GMDS: variants seen among roughly 807,000 people sequenced by gnomAD.
The protein encoded by GMDS is GDP-mannose 4,6-dehydratase.
A neutral mutation model predicts 49.9 loss-of-function variants in GMDS; 20 were observed. The observed-to-expected ratio is 0.40, with a 90% confidence interval of 0.28 to 0.58. The LOEUF (loss-of-function observed/expected upper bound fraction) is 0.58. GMDS is among the 20% of genes least tolerant of loss of function. The probability of loss-of-function intolerance (pLI) is 0.42; values close to 1 mark genes in which losing one functional copy is unlikely to be tolerated. For missense variants in GMDS, 362 were observed against 481.4 expected, an observed-to-expected ratio of 0.75 and a Z score of 2.32; for synonymous variants, 177 against 178.6, an observed-to-expected ratio of 0.99 and a Z score of 0.07.
intron 8 of GMDS, 106 bp downstream of exon 8, chr6:1,742,362 T>C: frequency 2.9e-6 from 2 of 695,708 alleles, no homozygotes; most frequent in Non-Finnish European, 5.2e-6. Context: ...TGTATTGCTC[T>C]TCAGGAGAGT....
Position 1,696,469 on chromosome 6 carries a change from A to T in GMDS, c.987+29947T>A, listed in dbSNP as rs146868514. ...TGCTTTGTTTCTCCTCCACTTAAGT[A>T]AATATTCCTCGAGTTGATGTGCCAA... is the stretch of plus-strand genomic sequence containing the variant. On this transcript the variant is annotated intron_variant, in intron 9 of 10. Coordinates refer to ENST00000380815, the MANE Select transcript of GMDS (RefSeq NM_001500.4). Among the ~76,000 whole-genome samples, 951 of 152,342 alleles carry T rather than the reference A, an allele frequency of 6.2e-3. 10 individuals carry two copies. Among genetic ancestry groups the T allele is most frequent in the African/African-American group, 0.022 (899 of 41,578 alleles).
rs550911608 is a variant in GMDS at position 2,133,811 on chromosome 6, A to G, written c.103-9080T>C. On this transcript the variant is annotated intron_variant, in intron 1 of 10. Transcript: ENST00000380815. ...ATCATTAAACTAATAAAGCTAACTC[A>G]TATTCAGTGCCCAAGGATATATCAA... Among the ~76,000 whole-genome samples, 31 of 152,340 alleles carry G rather than the reference A, an allele frequency of 2.0e-4. No individual in the cohort carries two copies. The South Asian group carries it at 3.7e-3, about 18-fold the overall frequency.
intron 4 of GMDS, among the ~76,000 whole-genome samples, chr6:2,038,959 G>A (rs1007196817): frequency 6.6e-6 from 1 of 152,190 alleles, no homozygotes; most frequent in African/African-American, 2.4e-5. Context: ...TCACATAACA[G>A]CGGGGATACA....
intron 7 of GMDS, among the ~76,000 whole-genome samples, chr6:1,816,341 G>C (rs1203795270): frequency 6.6e-6 from 1 of 152,170 alleles, no homozygotes. Context: ...TAAGGAAATG[G>C]ATTCAGAGAG....
rs1304745697 is a variant in GMDS at position 1,833,241 on chromosome 6, G to A, written c.772-90655C>T. ...TTGGCCAAATGTCGTCTCCCGCTGG[G>A]CTTCAATGCCAAAACTACACGTGTC... is the stretch of plus-strand genomic sequence containing the variant. On this transcript the variant is annotated intron_variant, in intron 7 of 10. Coordinates refer to ENST00000380815, the MANE Select transcript of GMDS (RefSeq NM_001500.4). This position sits in a 1 kb window ranked among gnomAD's most constrained non-coding sequence, Gnocchi z 4.4. 6.6e-6 allele frequency among the ~76,000 whole-genome samples: 1 copy of A among 151,510 alleles called. No homozygotes were observed. Among genetic ancestry groups the A allele is most frequent in the Non-Finnish European group, 1.5e-5 (1 of 67,972 alleles).
intron 8 of GMDS, among the ~76,000 whole-genome samples, chr6:1,733,303 G>A (rs1356590296): frequency 1.3e-5 from 2 of 152,246 alleles, no homozygotes; most frequent in Non-Finnish European, 1.5e-5. Context: ...TGTGATGATG[G>A]GCAGATGTCA....
Position 1,728,081 on chromosome 6 carries a change from G to A in GMDS, c.891-1569C>T, listed in dbSNP as rs185817051. Among the ~76,000 whole-genome samples the A allele has an allele frequency of 1.3e-3, 203 of 152,258 alleles. 1 individual carries two copies. The highest frequency in any genetic ancestry group is 4.5e-3 in the African/African-American group (189 of 41,544). The stretch of plus-strand genomic sequence containing the variant: ...GTTTTTGGAAAATTCACCGGGAAAC[G>A]GTAAGTGGATGTTTTGGAGCATGGA... On this transcript the variant is annotated intron_variant, in intron 8 of 10. Coordinates refer to ENST00000380815, the MANE Select transcript of GMDS (RefSeq NM_001500.4).
intron 9 of GMDS, among the ~76,000 whole-genome samples, chr6:1,637,355 G>A (rs145928657): frequency 1.1e-4 from 17 of 152,344 alleles, no homozygotes; most frequent in African/African-American, 4.1e-4. Flanking sequence ...GAGGAGGCAG[G>A]TGGCCTGGAG....
At position 2,077,215 on chromosome 6, in the gene GMDS, G is replaced by A. The variant is rs112910385; in HGVS notation, c.345+38556C>T. 1.4e-4 allele frequency among the ~76,000 whole-genome samples: 22 copies of A among 152,074 alleles called. 1 individual carries two copies. Among genetic ancestry groups the A allele is most frequent in the African/African-American group, 4.8e-4 (20 of 41,526 alleles). ...TGGTAGTCTTGTTTTTTTCTAATAA[G>A]ATCACGTCATCTCAAAGGTAAACAG... On this transcript the variant is annotated intron_variant, in intron 4 of 10. Coordinates refer to ENST00000380815, the MANE Select transcript of GMDS (RefSeq NM_001500.4).
intron 4 of GMDS, among the ~76,000 whole-genome samples, chr6:2,007,088 C>G (rs774866715): frequency 3.7e-4 from 57 of 152,156 alleles, no homozygotes; most frequent in Non-Finnish European, 6.3e-4. Context: ...CTAGAAAACA[C>G]AGTTTTGAAC....
At chr6:1,840,631 C>T (rs553901758) in intron 7 of GMDS, among the ~76,000 whole-genome samples, 1 of 152,272 alleles carries the variant, frequency 6.6e-6, no homozygotes, top group South Asian at 2.1e-4. Context: ...GCCAGATGCT[C>T]GTTTTTGGCT....
chr6:2,143,522 T>C (rs1776409327), intron 1 of GMDS, among the ~76,000 whole-genome samples: 1 of 152,206 alleles, frequency 6.6e-6, no homozygotes, highest in Non-Finnish European at 1.5e-5. Flanking sequence ...TGATTTCCAT[T>C]GCCTATTCTA....
chr6:1,963,648 T>C (rs980239845), intron 4 of GMDS, among the ~76,000 whole-genome samples: 1 of 152,172 alleles, frequency 6.6e-6, no homozygotes, highest in Non-Finnish European at 1.5e-5. Flanking sequence ...AGTTTTTCCC[T>C]GTTGAATGGT....
chr6:2,239,991 G>A (rs184919482), intron 1 of GMDS, among the ~76,000 whole-genome samples: 3 of 152,202 alleles, frequency 2.0e-5, no homozygotes, highest in Non-Finnish European at 2.9e-5. Flanking sequence ...GAGCCACCAC[G>A]CCCAGCCCAA....
intron 7 of GMDS, among the ~76,000 whole-genome samples, chr6:1,751,628 G>A (rs1393189983): frequency 6.6e-6 from 1 of 152,144 alleles, no homozygotes; most frequent in Non-Finnish European, 1.5e-5. Context: ...CGAGTAGTTG[G>A]GATTACAGGC....
At chr6:1,633,384 A>C (rs1358777032) in intron 9 of GMDS, among the ~76,000 whole-genome samples, 1 of 152,180 alleles carries the variant, frequency 6.6e-6, no homozygotes, top group Non-Finnish European at 1.5e-5. Context: ...CCACATATTT[A>C]CTGCTTTAAG....
At chr6:1,936,008 C>A (rs577949850) in intron 6 of GMDS, among the ~76,000 whole-genome samples, 42 of 152,256 alleles carry the variant, frequency 2.8e-4, no homozygotes, top group Admixed American at 4.6e-4. Context: ...AAATGGAAGG[C>A]CATCTCATGC....
chr6:1,838,321 T>A (rs974405810), intron 7 of GMDS, among the ~76,000 whole-genome samples: 1 of 152,214 alleles, frequency 6.6e-6, no homozygotes, highest in African/African-American at 2.4e-5. Context: ...AATTTAAAAG[T>A]CTAATTAAGG....
rs1764499470 is a variant in GMDS, at chr6:1,969,848, A to C, written c.346-8882T>G. The stretch of plus-strand genomic sequence containing the variant: ...ACAGAGAAAGCATCTTCACTGGTTT[A>C]GTGAGCTTGTAAGCTCCATGAGGTT... On this transcript the variant is annotated intron_variant, in intron 4 of 10. Coordinates refer to ENST00000380815, the MANE Select transcript of GMDS (RefSeq NM_001500.4). 3.3e-5 allele frequency among the ~76,000 whole-genome samples: 5 copies of C among 152,232 alleles called. No homozygotes were observed. The South Asian group carries it at 1.0e-3, about 32-fold the overall frequency.
Sources: gnomAD v4.1 joint callset for allele counts (sites outside exome capture counted in the v4.1 genomes callset) on GRCh38, gnomAD v4.1.1 for gene constraint, Gnocchi (gnomAD v3.1) non-coding constraint, MANE v1.5 for transcripts, NCBI Gene and HGNC (gene_info 2026-07-23, HGNC 2026-07-21) for gene names.